SDHC: variants seen among roughly 807,000 people sequenced by gnomAD.
SDHC encodes succinate dehydrogenase cytochrome b560 subunit, mitochondrial.
In SDHC, 11 loss-of-function variants were observed where a neutral mutation model predicts 22.6. The observed-to-expected ratio is 0.49, with a 90% CI of 0.31 to 0.81. The LOEUF is 0.81. SDHC is among the 30% of genes least tolerant of loss of function. The pLI is 0.05. For missense variants in SDHC, 160 were observed against 212.0 expected (o/e 0.75, Z 1.52); for synonymous variants, 80 against 77.8 (o/e 1.03, Z -0.15).
At chr1:161,322,221 A>G (rs1214618323) in intron 1 of SDHC, among the ~76,000 whole-genome samples, 2 of 152,202 alleles carry the variant, frequency 1.3e-5, no homozygotes, top group Middle Eastern at 3.2e-3. Context: ...GATTTTCCAC[A>G]GTAGGGGTGC....
Position 161,323,653 on chromosome 1 carries a change from T to C in SDHC, c.60T>C (p.Pro20=). The part of the protein sequence containing the change: ...GRHCLRAHFS[P]QLCIRNAVPL... ...ATTGCCTCCGAGCCCACTTTAGCCC[T>C]CAGCTCTGTATCAGAAAGTAAGTTT... is the stretch of plus-strand genomic sequence containing the variant. Residue 20 remains proline (P), a synonymous_variant, in exon 2 of 6, where the codon CCT becomes CCC. Coordinates refer to ENST00000367975, the MANE Select transcript of SDHC (RefSeq NM_003001.5). The C allele has an allele frequency of 6.2e-7, 1 of 1,612,402 alleles. No individual in the cohort carries two copies.
intron 1 of SDHC, among the ~76,000 whole-genome samples, chr1:161,317,759 C>T (rs1349898950): frequency 6.0e-5 from 9 of 149,106 alleles, no homozygotes; most frequent in Admixed American, 6.0e-4. Context: ...CGGGGTTTCA[C>T]CATGTTGATC....
intron 5 of SDHC, among the ~76,000 whole-genome samples, chr1:161,361,565 C>T (rs1384861804): frequency 2.0e-5 from 3 of 152,142 alleles, no homozygotes; most frequent in South Asian, 2.1e-4. Context: ...AGAGGCTGGG[C>T]GCAGTGGCTC....
intron 4 of SDHC, among the ~76,000 whole-genome samples, chr1:161,341,594 TGGTGCTGGA>T (rs1671719864): frequency 6.6e-6 from 1 of 152,234 alleles, no homozygotes. Flanking sequence ...TATGTCTGGC[TGGTGCTGGA>T]GACATAGACA....
At chr1:161,338,670 A>G (rs1671585373) in intron 3 of SDHC, among the ~76,000 whole-genome samples, 1 of 152,194 alleles carries the variant, frequency 6.6e-6, no homozygotes, top group Non-Finnish European at 1.5e-5. Flanking sequence ...GGGATAGGTA[A>G]CTTATTAGGA....
At position 161,317,550 on chromosome 1, in the gene SDHC, GTTTTTTTTTTTTTT is replaced by G. The variant is rs34457815; in HGVS notation, c.20+3141_20+3154del. ...GGTTTTGTGTGTGTGTGTGTGTGTG[GTTTTTTTTTTTTTT>G]TTTTTTTTTTTTTTTGAGACAGAGT... On this transcript the variant is annotated intron_variant, in intron 1 of 5. Transcript: ENST00000367975. Among the ~76,000 whole-genome samples the G allele has an allele frequency of 1.7e-4, 10 of 59,898 alleles. No homozygotes were observed. The South Asian group carries it at 5.7e-3, about 34-fold the overall frequency. The allele number at this position is 59,898 out of a possible 152,430, so 39.3% of individuals were successfully genotyped here.
chr1:161,333,508 G>A (rs74794560), intron 3 of SDHC, among the ~76,000 whole-genome samples: 17,750 of 151,452 alleles, frequency 0.12, 1,393 homozygotes, highest in African/African-American at 0.22. Context: ...AGGTTCAAGC[G>A]ATATTCCTGC....
At chr1:161,327,920 A>G (rs994750037) in intron 2 of SDHC, among the ~76,000 whole-genome samples, 1 of 151,846 alleles carries the variant, frequency 6.6e-6, no homozygotes, top group African/African-American at 2.4e-5. Context: ...TGCTATAACA[A>G]GATGGAGTCG....
At chr1:161,318,049 G>T (rs920158954) in intron 1 of SDHC, among the ~76,000 whole-genome samples, 1 of 151,882 alleles carries the variant, frequency 6.6e-6, no homozygotes, top group Non-Finnish European at 1.5e-5. Flanking sequence ...GTGCGCGCCT[G>T]TCGTCCCAGC....
intron 3 of SDHC, among the ~76,000 whole-genome samples, chr1:161,338,273 ATATTTT>A (rs1320048381): frequency 1.3e-5 from 2 of 152,152 alleles, no homozygotes; most frequent in Non-Finnish European, 2.9e-5. Flanking sequence ...GTTAGTATTA[ATATTTT>A]TAATTTATTT....
chr1:161,356,656 G>C, intron 4 of SDHC, 21 bp from the exon 5 acceptor site: 1 of 1,613,326 alleles, frequency 6.2e-7, no homozygotes, highest in African/African-American at 1.3e-5. Flanking sequence ...GCTGTGACAA[G>C]CTACTTGGTT....
intron 3 of SDHC, among the ~76,000 whole-genome samples, chr1:161,333,349 G>A (rs1671352733): frequency 6.6e-6 from 1 of 151,452 alleles, no homozygotes; most frequent in Non-Finnish European, 1.5e-5. Flanking sequence ...ATTTCTCTTG[G>A]GTATATACCT....
chr1:161,339,733 T>C (rs1181858665), intron 3 of SDHC: 1 of 290,490 alleles, frequency 3.4e-6, no homozygotes, highest in African/African-American at 2.7e-5. Context: ...GGAGCTGGAG[T>C]GCAATGGTGC....
intron 4 of SDHC, among the ~76,000 whole-genome samples, chr1:161,355,251 T>C (rs1672230462): frequency 6.6e-6 from 1 of 152,248 alleles, no homozygotes; most frequent in African/African-American, 2.4e-5. Context: ...CACCTGTTCA[T>C]GCACTGATTG....
At chr1:161,346,857 A>G (rs931302869) in intron 4 of SDHC, among the ~76,000 whole-genome samples, 1 of 152,244 alleles carries the variant, frequency 6.6e-6, no homozygotes, top group Non-Finnish European at 1.5e-5. Context: ...GTATTTGGAT[A>G]TATCCTATGT....
chr1:161,354,102 C>T (rs998578645), intron 4 of SDHC, among the ~76,000 whole-genome samples: 2 of 152,110 alleles, frequency 1.3e-5, no homozygotes, highest in African/African-American at 4.8e-5. Context: ...CCTCCCACCT[C>T]AGCCTCCTAA....
At chr1:161,318,042 C>T (rs188733302) in intron 1 of SDHC, among the ~76,000 whole-genome samples, 12 of 151,850 alleles carry the variant, frequency 7.9e-5, no homozygotes, top group African/African-American at 1.2e-4. Context: ...TGTGATGGTG[C>T]GCGCCTGTCG....
Position 161,328,307 on chromosome 1 carries a change from T to C in SDHC, c.78-89T>C, listed in dbSNP as rs1671141694. 3 of 1,090,920 alleles carry C rather than the reference T, an allele frequency of 2.7e-6. No individual in the cohort carries two copies. The African/African-American group carries it at 4.6e-5, about 17-fold the overall frequency. The allele number at this position is 1,090,920 out of a possible 1,614,324, so 67.6% of individuals were successfully genotyped here. A position where few individuals can be genotyped will look rare whatever the true frequency, so the allele number is the denominator to read the frequency against. ...CTGAGCAACCATGCCTGGCTTGGTA[T>C]TGCAAAATATTGACTTAATAAAACG... On this transcript the variant is annotated intron_variant, in intron 2 of 5. Coordinates refer to ENST00000367975, the MANE Select transcript of SDHC (RefSeq NM_003001.5).
rs781337432 is a variant in SDHC at position 161,314,410 on chromosome 1, C to T, written c.5C>T (p.Ala2Val). 2 of 1,613,620 alleles carry T rather than the reference C, an allele frequency of 1.2e-6. No homozygotes were observed. The highest frequency in any genetic ancestry group is 1.7e-6 in the Non-Finnish European group (2 of 1,179,996). Residue 2 changes from alanine to valine, a missense_variant, in exon 1 of 6, where the codon GCT (alanine) becomes GTT (valine). This residue lies in a region of SDHC where 86 missense variants were observed against 83.4 expected (regional missense o/e 1.03). Transcript: ENST00000367975. Reference protein sequence around the residue: MAALLLRHVGRH... With the variant: MVALLLRHVGRH... ...CCGTCCAGACCGGAACCCAAGATGGCTGCGCTGTTGCTGAGGTGACTTCAG... is the reference window on the plus strand; with the variant it reads ...CCGTCCAGACCGGAACCCAAGATGGTTGCGCTGTTGCTGAGGTGACTTCAG...
Sources: allele counts gnomAD v4.1 joint callset (sites outside exome capture counted in the v4.1 genomes callset), GRCh38; gene constraint gnomAD v4.1.1; regional missense constraint gnomAD v4.1.1; transcripts MANE v1.5; gene names NCBI Gene and HGNC (gene_info 2026-07-23, HGNC 2026-07-21).